The following SBF2 variants were observed in gnomAD, a reference collection of about 807,000 sequenced individuals.
SBF2 encodes SET binding factor 2, also known as myotubularin-related protein 13.
Under a neutral mutation model 225.2 loss-of-function variants are expected in SBF2, and 112 were observed. The ratio of observed to expected loss-of-function variants is 0.50; its 90% CI spans 0.43 to 0.58. SBF2 has a LOEUF of 0.58. Among genes scored for constraint, SBF2 ranks in the 20% least tolerant of loss-of-function variants. The pLI is 0.00. For synonymous variants in SBF2, 763 were observed against 773.3 expected (o/e 0.99, Z 0.22); for missense variants, 1,996 against 2,206.2 (o/e 0.90, Z 1.91).
chr11:9,803,539 G>A (rs1853612228), intron 32 of SBF2, among the ~76,000 whole-genome samples: 1 of 152,034 alleles, frequency 6.6e-6, no homozygotes, highest in Admixed American at 6.6e-5. Context: ...ATTGTACTTG[G>A]GAGACAATGA....
At chr11:10,254,056 AGTT>A (rs1960622447) in intron 1 of SBF2, among the ~76,000 whole-genome samples, 1 of 152,062 alleles carries the variant, frequency 6.6e-6, no homozygotes, top group Non-Finnish European at 1.5e-5. Flanking sequence ...AAATTAGTAC[AGTT>A]ATTATGGAAA....
At chr11:9,880,680 A>G (rs1217426119) in intron 17 of SBF2, among the ~76,000 whole-genome samples, 1 of 152,210 alleles carries the variant, frequency 6.6e-6, no homozygotes, top group Non-Finnish European at 1.5e-5. Flanking sequence ...CCTACTCAAG[A>G]GTATGGTATT....
At chr11:9,980,486 C>A (rs1946906349) in intron 13 of SBF2, among the ~76,000 whole-genome samples, 1 of 151,960 alleles carries the variant, frequency 6.6e-6, no homozygotes, top group South Asian at 2.1e-4. Context: ...ATGATTTCTG[C>A]ATGTGTTAGT....
chr11:10,080,364 G>C (rs181774273), intron 2 of SBF2, among the ~76,000 whole-genome samples: 146 of 147,940 alleles, frequency 9.9e-4, no homozygotes, highest in African/African-American at 3.5e-3. Context: ...ATCACCACTA[G>C]ACCGGTCCTA....
At chr11:10,298,614 C>G (rs1964569248), upstream of SBF2, among the ~76,000 whole-genome samples, 1 of 152,316 alleles carries the variant, frequency 6.6e-6, no homozygotes, top group Middle Eastern at 3.4e-3. Context: ...CTCTTCAGAT[C>G]GTCTCTACCA....
chr11:10,276,538 C>A (rs946018504), intron 1 of SBF2, among the ~76,000 whole-genome samples: 1 of 152,232 alleles, frequency 6.6e-6, no homozygotes, highest in Non-Finnish European at 1.5e-5. Flanking sequence ...CACTACTCAT[C>A]TCCACCTCCC....
chr11:10,082,964 T>C (rs950009160), intron 2 of SBF2, among the ~76,000 whole-genome samples: 3 of 152,142 alleles, frequency 2.0e-5, no homozygotes, highest in Admixed American at 1.3e-4. Context: ...CAATATGATC[T>C]TATACCTAGA....
intron 1 of SBF2, among the ~76,000 whole-genome samples, chr11:10,272,887 T>C (rs1044556660): frequency 6.7e-6 from 1 of 149,378 alleles, no homozygotes; most frequent in Non-Finnish European, 1.5e-5. Context: ...CTGGCCAACA[T>C]GGTAAAACCT....
intron 1 of SBF2, among the ~76,000 whole-genome samples, chr11:10,268,527 T>C (rs1326054771): frequency 2.0e-5 from 3 of 152,148 alleles, no homozygotes; most frequent in African/African-American, 7.2e-5. Context: ...CAGTGGAAAA[T>C]AGCCCTTTCC....
At chr11:9,863,402 G>A (rs1026024199) in intron 17 of SBF2, among the ~76,000 whole-genome samples, 6 of 152,196 alleles carry the variant, frequency 3.9e-5, no homozygotes, top group East Asian at 1.9e-4. Flanking sequence ...TAGCTGGCAG[G>A]TCTTTTCCAT....
chr11:10,214,398 C>T (rs190606338), intron 1 of SBF2, among the ~76,000 whole-genome samples: 3 of 152,222 alleles, frequency 2.0e-5, no homozygotes, highest in Admixed American at 1.3e-4. Flanking sequence ...CCGAGGCGGG[C>T]GGATCACAAG....
intron 1 of SBF2, among the ~76,000 whole-genome samples, chr11:10,196,750 A>G (rs1007742300): frequency 1.3e-5 from 2 of 150,786 alleles, no homozygotes; most frequent in African/African-American, 4.9e-5. Flanking sequence ...ATAAAAATAT[A>G]AAGAAGAAAG....
chr11:10,267,162 C>T (rs968933414), intron 1 of SBF2, among the ~76,000 whole-genome samples: 8 of 152,124 alleles, frequency 5.3e-5, no homozygotes, highest in African/African-American at 1.9e-4. Context: ...CTCTTCTTCC[C>T]TACTTCCTCC....
chr11:10,014,522 AAAAAAAC>A (rs1463537896), intron 6 of SBF2, among the ~76,000 whole-genome samples: 2,062 of 150,440 alleles, frequency 0.014, 54 homozygotes, highest in African/African-American at 0.048. Context: ...AAAAAAAAAA[AAAAAAAC>A]GAAAATGGAG....
chr11:10,281,169 A>C (rs991782738), intron 1 of SBF2, among the ~76,000 whole-genome samples: 5 of 152,192 alleles, frequency 3.3e-5, no homozygotes, highest in Admixed American at 2.6e-4. Context: ...TCATATTAAA[A>C]TAATAAAATA....
chr11:10,169,611 G>A (rs931250954), intron 2 of SBF2, among the ~76,000 whole-genome samples: 1 of 152,140 alleles, frequency 6.6e-6, no homozygotes, highest in Non-Finnish European at 1.5e-5. Flanking sequence ...CCAAATCTTG[G>A]CCATTGTGAA....
rs371771984 is a variant in SBF2, at chr11:10,031,096, G to A, written c.354C>T (p.Pro118=). The part of the protein sequence containing the change: ...GLIQPAEVFA[P]KSLVLVSRLY... ...ATCTGGATACCAACACCAGGCTTTT[G>A]GGAGCAAACACTTCTGCAGGCTGAA... is the stretch of plus-strand genomic sequence containing the variant. The change falls in exon 4 of 40, where the codon CCC becomes CCT. Residue 118 remains proline, a synonymous_variant. Coordinates refer to ENST00000256190, the MANE Select transcript of SBF2 (RefSeq NM_030962.4). 7 of 1,613,222 alleles carry A rather than the reference G, an allele frequency of 4.3e-6. No homozygotes were observed. The highest frequency in any genetic ancestry group is 1.7e-5 in the Admixed American group (1 of 59,986).
Position 9,992,971 on chromosome 11 carries a change from A to G in SBF2, c.1167+19T>C. The G allele has an allele frequency of 1.3e-6, 2 of 1,516,044 alleles. No individual in the cohort carries two copies. The highest frequency in any genetic ancestry group is 2.2e-5 in the South Asian group (2 of 89,018). 93.9% of individuals were successfully genotyped at this position (1,516,044 alleles called of 1,614,324 possible). On this transcript the variant is annotated intron_variant, in intron 11 of 39. Transcript: ENST00000256190. ...AGAATATATTTTTTGGACAGATACA[A>G]TATAGTACTCTATCTTACCTTGTGG...
intron 16 of SBF2, among the ~76,000 whole-genome samples, chr11:9,952,578 A>C (rs1865921140): frequency 6.6e-6 from 1 of 152,120 alleles, no homozygotes; most frequent in African/African-American, 2.4e-5. Flanking sequence ...CTAGCTTCTA[A>C]GATGTTGCTG....
Sources: allele counts gnomAD v4.1 joint callset (sites outside exome capture counted in the v4.1 genomes callset), GRCh38; gene constraint gnomAD v4.1.1; transcripts MANE v1.5; gene names NCBI Gene and HGNC (gene_info 2026-07-23, HGNC 2026-07-21).